The following LINGO2 variants were observed in gnomAD, a reference collection of about 807,000 sequenced individuals.
LINGO2 encodes leucine-rich repeat and immunoglobulin-like domain-containing nogo receptor-interacting protein 2.
A neutral mutation model predicts 30.6 loss-of-function variants in LINGO2; 14 were observed. The ratio of observed to expected loss-of-function variants is 0.46; its 90% CI spans 0.30 to 0.72. The LOEUF is 0.72. LINGO2 is among the 30% of genes least tolerant of loss of function. The probability of loss-of-function intolerance (pLI) is 0.07; values close to 1 mark genes in which losing one functional copy is unlikely to be tolerated. For synonymous variants in LINGO2, 317 were observed against 288.5 expected, an observed-to-expected ratio of 1.10 and a Z score of -1.00; for missense variants, 729 against 751.7, an observed-to-expected ratio of 0.97 and a Z score of 0.35.
intron 4 of LINGO2, among the ~76,000 whole-genome samples, chr9:28,198,240 G>A (rs1248791943): frequency 3.1e-5 from 4 of 130,106 alleles, no homozygotes; most frequent in African/African-American, 1.0e-4. Flanking sequence ...TTTCTCTGTG[G>A]ACAAATATGA....
chr9:27,949,743 C>A (rs559778213), exon 6 of LINGO2: 1 of 1,614,098 alleles, frequency 6.2e-7, no homozygotes, highest in Non-Finnish European at 8.5e-7. Flanking sequence ...CTCAATGGTG[C>A]GAAGCTGGGC....
chr9:27,948,719 G>T, exon 6 of LINGO2: 1 of 1,055,472 alleles, frequency 9.5e-7, no homozygotes, highest in Non-Finnish European at 1.4e-6. Context: ...AAGTCCTCCT[G>T]CTTCCATAGA....
At chr9:29,116,824 A>G in the LINGO2 span, among the ~76,000 whole-genome samples, 3 of 152,140 alleles carry the variant, frequency 2.0e-5, no homozygotes, top group Non-Finnish European at 4.4e-5. Context: ...GCTTAAACTG[A>G]TTTACTTTCA....
At chr9:28,320,254 A>G (rs1824991152) in intron 3 of LINGO2, among the ~76,000 whole-genome samples, 1 of 152,130 alleles carries the variant, frequency 6.6e-6, no homozygotes, top group South Asian at 2.1e-4. Flanking sequence ...ATATCTTATT[A>G]GTATGAGAGC....
intron 1 of LINGO2, among the ~76,000 whole-genome samples, chr9:28,634,519 T>A (rs1481644809): frequency 7.1e-6 from 1 of 140,258 alleles, no homozygotes; most frequent in Non-Finnish European, 1.5e-5. Context: ...GGAGTTTCAC[T>A]CTGTAACCCA....
chr9:29,067,253 G>T, the LINGO2 span, among the ~76,000 whole-genome samples: 8 of 151,800 alleles, frequency 5.3e-5, no homozygotes, highest in East Asian at 1.4e-3. Flanking sequence ...ATAAACTGAG[G>T]CTGGGAACAC....
intron 2 of LINGO2, among the ~76,000 whole-genome samples, chr9:28,396,635 C>A (rs1022513431): frequency 7.5e-6 from 1 of 134,060 alleles, no homozygotes; most frequent in East Asian, 2.5e-4. Context: ...ACCCGGGAGG[C>A]GGAGCTTGCA....
chr9:28,748,439 C>T, the LINGO2 span, among the ~76,000 whole-genome samples: 1 of 151,700 alleles, frequency 6.6e-6, no homozygotes, highest in Non-Finnish European at 1.5e-5. Context: ...TCACACACTA[C>T]TATAAGAAAA....
intron 1 of LINGO2, among the ~76,000 whole-genome samples, chr9:28,642,410 T>A (rs1458188501): frequency 1.3e-5 from 2 of 152,120 alleles, no homozygotes; most frequent in East Asian, 3.9e-4. Context: ...ATTTCATACA[T>A]TTCGAGGATC....
chr9:28,806,025 A>G, the LINGO2 span, among the ~76,000 whole-genome samples: 2 of 152,192 alleles, frequency 1.3e-5, no homozygotes, highest in Non-Finnish European at 2.9e-5. Context: ...AATGTGTATG[A>G]AAATGTATCT....
chr9:28,953,413 CTT>C, the LINGO2 span, among the ~76,000 whole-genome samples: 21 of 151,966 alleles, frequency 1.4e-4, no homozygotes, highest in African/African-American at 4.3e-4. Context: ...CTGAGAAAAA[CTT>C]TTAACAATCG....
At chr9:28,101,782 C>A (rs1171384172) in intron 4 of LINGO2, among the ~76,000 whole-genome samples, 1 of 152,108 alleles carries the variant, frequency 6.6e-6, no homozygotes, top group African/African-American at 2.4e-5. Flanking sequence ...AAGCCAAGTG[C>A]GGATTACATT....
At chr9:28,704,196 G>A in the LINGO2 span, among the ~76,000 whole-genome samples, 1 of 81,420 alleles carries the variant, frequency 1.2e-5, no homozygotes. Context: ...TTTGAAGGGT[G>A]AATTCTAGGT....
intron 4 of LINGO2, among the ~76,000 whole-genome samples, chr9:28,181,849 G>C (rs1198974840): frequency 2.6e-5 from 4 of 152,022 alleles, no homozygotes; most frequent in African/African-American, 9.7e-5. Flanking sequence ...TATCCTCATG[G>C]ATAAGAAGAA....
At chr9:28,931,881 G>A in the LINGO2 span, among the ~76,000 whole-genome samples, 7 of 151,442 alleles carry the variant, frequency 4.6e-5, no homozygotes, top group East Asian at 2.0e-4. Flanking sequence ...AGGCTGAGGC[G>A]GGTGGGTCAT....
the LINGO2 span, among the ~76,000 whole-genome samples, chr9:28,709,529 C>G: frequency 2.6e-5 from 4 of 151,750 alleles, no homozygotes; most frequent in African/African-American, 9.7e-5. Context: ...AATAAATTTT[C>G]AAAATTTTAC....
chr9:29,112,432 T>C, the LINGO2 span, among the ~76,000 whole-genome samples: 1 of 152,234 alleles, frequency 6.6e-6, no homozygotes, highest in African/African-American at 2.4e-5. Context: ...CTACTGTCCT[T>C]CCCAATCCAT....
the LINGO2 span, among the ~76,000 whole-genome samples, chr9:28,960,607 A>T: frequency 6.7e-6 from 1 of 149,698 alleles, no homozygotes; most frequent in Non-Finnish European, 1.5e-5. Flanking sequence ...GAGTGATAAG[A>T]AATATGTATA....
At chr9:29,109,572 C>T in the LINGO2 span, among the ~76,000 whole-genome samples, 1 of 152,098 alleles carries the variant, frequency 6.6e-6, no homozygotes, top group Admixed American at 6.5e-5. Flanking sequence ...AAGTCCATGG[C>T]CTCATGAAAT....
Sources: allele counts gnomAD v4.1 joint callset (sites outside exome capture counted in the v4.1 genomes callset), GRCh38; gene constraint gnomAD v4.1.1; transcripts MANE v1.5; gene names NCBI Gene and HGNC (gene_info 2026-07-23, HGNC 2026-07-21).